Variants in PRTFDC1 observed in about 807,000 individuals in gnomAD.
PRTFDC1 encodes phosphoribosyltransferase domain-containing protein 1.
A neutral mutation model predicts 34.6 loss-of-function variants in PRTFDC1; 38 were observed. The ratio of observed to expected loss-of-function variants is 1.10; its 90% CI spans 0.85 to 1.44. The LOEUF (loss-of-function observed/expected upper bound fraction) is 1.44. Ranked by LOEUF, PRTFDC1 falls within the 40% of genes most tolerant of loss-of-function variation. PRTFDC1 has a pLI of 0.00. For missense variants in PRTFDC1, 270 were observed against 283.0 expected, an observed-to-expected ratio of 0.95 and a Z score of 0.33; for synonymous variants, 93 against 98.1, an observed-to-expected ratio of 0.95 and a Z score of 0.31.
intron 1 of PRTFDC1, among the ~76,000 whole-genome samples, chr10:24,945,215 T>G (rs1344969752): frequency 2.0e-5 from 3 of 152,214 alleles, no homozygotes; most frequent in Non-Finnish European, 4.4e-5. Context: ...GGAGACTTTT[T>G]CTGATTCATT....
intron 3 of PRTFDC1, among the ~76,000 whole-genome samples, 154 bp downstream of exon 3, chr10:24,937,030 T>C (rs1006342314): frequency 2.8e-4 from 42 of 152,220 alleles, no homozygotes; most frequent in Non-Finnish European, 4.7e-4. Context: ...TGAATTCTTA[T>C]GTTAGGTTGC....
intron 1 of PRTFDC1, among the ~76,000 whole-genome samples, chr10:24,951,849 C>T (rs1278140256): frequency 6.6e-6 from 1 of 152,136 alleles, no homozygotes; most frequent in African/African-American, 2.4e-5. Flanking sequence ...ACCAGCACCC[C>T]ACACCCTCCC....
rs1045617754 is a variant in PRTFDC1, at chr10:24,908,779, T to G, written c.339+28405A>C. ...TGATCAACCCTAGCGATCAATGGGG[T>G]GACTGATGCCACAGCCAGATAGCCC... On this transcript the variant is annotated intron_variant, in intron 3 of 8. Coordinates refer to ENST00000320152, the MANE Select transcript of PRTFDC1 (RefSeq NM_020200.7). The G allele has an allele frequency of 1.7e-5, 24 of 1,439,618 alleles. No individual in the cohort carries two copies. In the African/African-American group the frequency reaches 3.3e-4, roughly 20 times the overall value. The allele number at this position is 1,439,618 out of a possible 1,614,324, so 89.2% of individuals were successfully genotyped here.
intron 3 of PRTFDC1, among the ~76,000 whole-genome samples, chr10:24,900,727 CAGTT>C (rs976210546): frequency 7.9e-5 from 12 of 152,038 alleles, no homozygotes; most frequent in African/African-American, 2.9e-4. Context: ...GTTTGCAAGC[CAGTT>C]AGTTTGGAAA....
intron 6 of PRTFDC1, among the ~76,000 whole-genome samples, chr10:24,855,722 G>A (rs1016973738): frequency 1.3e-5 from 2 of 151,972 alleles, no homozygotes; most frequent in African/African-American, 4.8e-5. Flanking sequence ...TGTAGCCCAG[G>A]AGTTGAAGGC....
chr10:24,901,736 T>C (rs1457061505), intron 3 of PRTFDC1, among the ~76,000 whole-genome samples: 1 of 152,118 alleles, frequency 6.6e-6, no homozygotes, highest in Non-Finnish European at 1.5e-5. Flanking sequence ...CTCAAATAAG[T>C]AAGTAAATAG....
Position 24,849,741 on chromosome 10 carries a change from T to C in PRTFDC1, c.*103A>G, listed in dbSNP as rs1341791298. On this transcript the variant is annotated 3_prime_UTR_variant, in exon 9 of 9. Coordinates refer to ENST00000320152, the MANE Select transcript of PRTFDC1 (RefSeq NM_020200.7). ...TTGAACATTTTTTTCTTTTATATCC[T>C]GCTGAGTGAAGATGCCTGGGGGGAC... is the stretch of plus-strand genomic sequence containing the variant. 1.9e-6 allele frequency: 2 copies of C among 1,059,116 alleles called. No individual in the cohort carries two copies. Among genetic ancestry groups the C allele is most frequent in the African/African-American group, 1.6e-5 (1 of 62,970 alleles). 65.6% of individuals were successfully genotyped at this position (1,059,116 alleles called of 1,614,324 possible).
At chr10:24,899,455 G>A (rs1848417619) in intron 3 of PRTFDC1, among the ~76,000 whole-genome samples, 1 of 152,114 alleles carries the variant, frequency 6.6e-6, no homozygotes, top group South Asian at 2.1e-4. Flanking sequence ...ACTATTCCCG[G>A]CTATACTGTT....
chr10:24,941,430 A>T (rs2132614528), intron 2 of PRTFDC1, among the ~76,000 whole-genome samples: 1 of 151,974 alleles, frequency 6.6e-6, no homozygotes, highest in South Asian at 2.1e-4. Context: ...GTTAGTCTCA[A>T]ATTTTTGGGT....
chr10:24,854,308 T>G (rs1847537612), intron 7 of PRTFDC1, among the ~76,000 whole-genome samples: 1 of 152,182 alleles, frequency 6.6e-6, no homozygotes, highest in Non-Finnish European at 1.5e-5. Context: ...CCTTTGATAA[T>G]AGTAATAGAT....
At chr10:24,921,168 GA>G (rs1355137296) in intron 3 of PRTFDC1, among the ~76,000 whole-genome samples, 1 of 152,040 alleles carries the variant, frequency 6.6e-6, no homozygotes, top group East Asian at 1.9e-4. Flanking sequence ...GATATCGCTG[GA>G]GTAAGGGGTA....
At chr10:24,907,800 T>TA (rs1359453822) in intron 3 of PRTFDC1, among the ~76,000 whole-genome samples, 1 of 152,204 alleles carries the variant, frequency 6.6e-6, no homozygotes, top group Non-Finnish European at 1.5e-5. Flanking sequence ...ATTGTTAGAA[T>TA]AAAAAAATTG....
intron 5 of PRTFDC1, among the ~76,000 whole-genome samples, chr10:24,857,617 T>C (rs1847603318): frequency 6.6e-6 from 1 of 152,192 alleles, no homozygotes; most frequent in Non-Finnish European, 1.5e-5. Context: ...GAGCTGATTA[T>C]CAAAACAACA....
At chr10:24,890,117 A>T (rs1208330687) in intron 3 of PRTFDC1, among the ~76,000 whole-genome samples, 1 of 152,150 alleles carries the variant, frequency 6.6e-6, no homozygotes, top group East Asian at 1.9e-4. Flanking sequence ...AGGAAATGAG[A>T]CTCTGCTGTA....
chr10:24,931,869 G>A (rs1393202336), intron 3 of PRTFDC1, among the ~76,000 whole-genome samples: 2 of 144,136 alleles, frequency 1.4e-5, no homozygotes, highest in Non-Finnish European at 1.5e-5. Context: ...TATTTTAAAA[G>A]ACCAATATAA....
At chr10:24,856,460 C>T (rs1480999482) in intron 6 of PRTFDC1, among the ~76,000 whole-genome samples, 6 of 151,746 alleles carry the variant, frequency 4.0e-5, no homozygotes, top group African/African-American at 4.8e-5. Flanking sequence ...CAGTGGCAGG[C>T]GCCTGTAGTC....
At chr10:24,915,702 G>A (rs1588612231) in intron 3 of PRTFDC1, among the ~76,000 whole-genome samples, 2 of 152,216 alleles carry the variant, frequency 1.3e-5, no homozygotes, top group South Asian at 2.1e-4. Flanking sequence ...TTCAGTGGCT[G>A]ATTAGCCCTT....
At chr10:24,936,225 A>G (rs74730899) in intron 3 of PRTFDC1, among the ~76,000 whole-genome samples, 2,089 of 152,310 alleles carry the variant, frequency 0.014, 57 homozygotes, top group African/African-American at 0.048. Context: ...TATGCATTAA[A>G]TCAAAAAGCA....
intron 8 of PRTFDC1, among the ~76,000 whole-genome samples, chr10:24,850,451 C>T (rs1390671060): frequency 2.0e-5 from 3 of 152,062 alleles, no homozygotes; most frequent in Admixed American, 6.6e-5. Context: ...GGACAGCATA[C>T]GAAGACCCCA....
Sources: gnomAD v4.1 joint callset for allele counts (sites outside exome capture counted in the v4.1 genomes callset) on GRCh38, gnomAD v4.1.1 for gene constraint, MANE v1.5 for transcripts, NCBI Gene and HGNC (gene_info 2026-07-23, HGNC 2026-07-21) for gene names.